UTY: variants seen among roughly 807,000 people sequenced by gnomAD.
UTY encodes the protein ubiquitously transcribed tetratricopeptide repeat containing, Y-linked, also known as histone demethylase UTY.
UTY carries 12 observed loss-of-function variants against 32.5 expected under a neutral mutation model. The observed-to-expected ratio is 0.37, with a 90% CI of 0.24 to 0.60. The LOEUF (loss-of-function observed/expected upper bound fraction) is 0.60, where lower values mean the gene tolerates loss of function less well. UTY is among the 20% of genes least tolerant of loss of function. The pLI, the probability that UTY is intolerant of heterozygous loss-of-function variation, is 0.69. For synonymous variants in UTY, 131 were observed against 103.4 expected (o/e 1.27, Z -1.62); for missense variants, 303 against 299.2 (o/e 1.01, Z -0.09).
chrY:13,285,106 T>C, intron 27 of UTY, among the ~76,000 whole-genome samples: 1 of 34,279 alleles, frequency 2.9e-5, no homozygotes. Flanking sequence ...GGAGGAGACT[T>C]AGCATTCCTT....
At chrY:13,401,749 G>T (rs887102960) in intron 6 of UTY, among the ~76,000 whole-genome samples, 1 of 32,458 alleles carries the variant, frequency 3.1e-5, no homozygotes, top group Admixed American at 2.8e-4. Context: ...AGTGGCAGGC[G>T]CCTGTAGTCC....
At chrY:13,393,614 C>CTA (rs2067815442) in intron 8 of UTY, 3 of 56,568 alleles carry the variant, frequency 5.3e-5, no homozygotes, top group Non-Finnish European at 1.0e-4. Flanking sequence ...ACACAAACTG[C>CTA]TATATATATA....
chrY:13,297,427 T>C (rs2058093684), intron 27 of UTY: 2 of 87,719 alleles, frequency 2.3e-5, no homozygotes, highest in South Asian at 1.4e-4. Context: ...TACGAGAAAA[T>C]AGAGAGTTGT....
At chrY:13,380,061 GTATATATATA>G (rs1204552573) in intron 8 of UTY, among the ~76,000 whole-genome samples, 4 of 3,634 alleles carry the variant, frequency 1.1e-3, no homozygotes, top group African/African-American at 9.7e-3. Context: ...GTGTGTGTGT[GTATATATATA>G]TATATATATA....
At position 13,364,136 on chromosome Y, in the gene UTY, CA is replaced by C. The variant is rs2063816464; in HGVS notation, c.866+2130del. 1.3e-4 allele frequency among the ~76,000 whole-genome samples: 3 copies of C among 22,908 alleles called. No homozygotes were observed. The East Asian group carries it at 3.4e-3, about 26-fold the overall frequency. The allele number at this position is 22,908 out of a possible 37,273, so 61.5% of individuals were successfully genotyped here. A position where few individuals can be genotyped will look rare whatever the true frequency, so the allele number is the denominator to read the frequency against. ...CTTTAATATAAATATGCTTTCCTTT[CA>C]AAAAAAAAAACATTGTACACAAAGT... On this transcript the variant is annotated intron_variant, in intron 10 of 29. Coordinates refer to ENST00000545955, the MANE Select transcript of UTY (RefSeq NM_001258249.2).
downstream of UTY, chrY:13,248,319 A>G: frequency 2.9e-5 from 1 of 33,960 alleles, no homozygotes; most frequent in Non-Finnish European, 7.3e-5. Flanking sequence ...ATTCTTCACT[A>G]AAGTTCTCTG....
chrY:13,340,022 C>G (rs2061384631), intron 17 of UTY, among the ~76,000 whole-genome samples: 1 of 33,405 alleles, frequency 3.0e-5, no homozygotes, highest in African/African-American at 1.2e-4. Flanking sequence ...TCCACAGAAA[C>G]AGAGAACCCT....
chrY:13,409,547 C>T, intron 6 of UTY, among the ~76,000 whole-genome samples: 1 of 33,836 alleles, frequency 3.0e-5, no homozygotes, highest in Non-Finnish European at 7.4e-5. Context: ...AGCAAGTCTG[C>T]GTTGGCCAGA....
intron 8 of UTY, among the ~76,000 whole-genome samples, chrY:13,388,230 A>C (rs17307007): frequency 0.07 from 2,414 of 34,267 alleles, no homozygotes; most frequent in Non-Finnish European, 0.11. Flanking sequence ...CAAAATGAAC[A>C]AAAAATATCC....
intron 17 of UTY, among the ~76,000 whole-genome samples, chrY:13,336,607 A>G: frequency 3.0e-5 from 1 of 33,449 alleles, no homozygotes; most frequent in Admixed American, 2.8e-4. Context: ...TTAAAGTTTA[A>G]ATTGTTTAAT....
chrY:13,310,448 A>C, intron 21 of UTY, among the ~76,000 whole-genome samples: 1 of 33,061 alleles, frequency 3.0e-5, no homozygotes, highest in African/African-American at 1.2e-4. Flanking sequence ...AACATATTAA[A>C]ATCAGTCAAT....
chrY:13,452,339 G>C (rs2076391011), intron 3 of UTY, among the ~76,000 whole-genome samples: 1 of 32,912 alleles, frequency 3.0e-5, no homozygotes, highest in Non-Finnish European at 7.4e-5. Context: ...CACTACTGCT[G>C]GGCAACAGAG....
At chrY:13,448,687 G>A in intron 4 of UTY, among the ~76,000 whole-genome samples, 2 of 33,323 alleles carry the variant, frequency 6.0e-5, no homozygotes, top group Non-Finnish European at 1.5e-4. Flanking sequence ...CGTCCATAAT[G>A]TTTTACCAAA....
intron 27 of UTY, among the ~76,000 whole-genome samples, chrY:13,294,023 A>C: frequency 3.0e-5 from 1 of 33,486 alleles, no homozygotes; most frequent in Non-Finnish European, 7.4e-5. Flanking sequence ...GTAATCCACA[A>C]ATTCAATGTA....
chrY:13,355,080 T>G lies in UTY; in HGVS notation c.1984A>C (p.Thr662Pro). Reference sequence around the variant, plus strand: ...AGGTCTGTATGATTATGAGGTAGAGTGTGTGTATTTTGCTGCAGGTAAGGC... The same window carrying G: ...AGGTCTGTATGATTATGAGGTAGAGGGTGTGTATTTTGCTGCAGGTAAGGC... The part of the protein sequence containing the change: ...NVPYLQQNTH[T>P]LPHNHTDLNS... The change falls in exon 17 of 30, where the codon ACT (threonine) becomes CCT (proline). Residue 662 changes from threonine (T) to proline (P), a missense_variant. Physicochemically the swap from Thr to Pro is conservative, Grantham distance 38. Coordinates refer to ENST00000545955, the MANE Select transcript of UTY (RefSeq NM_001258249.2). 3 of 398,403 alleles carry G rather than the reference T, an allele frequency of 7.5e-6. No homozygotes were observed. Among genetic ancestry groups the G allele is most frequent in the Non-Finnish European group, 1.1e-5 (3 of 283,408 alleles).
At chrY:13,255,293 GT>G (rs2054625198) in intron 28 of UTY, among the ~76,000 whole-genome samples, 2 of 33,281 alleles carry the variant, frequency 6.0e-5, no homozygotes, top group Non-Finnish European at 1.5e-4. Context: ...CATAAAATGG[GT>G]TATGTCCCTG....
chrY:13,329,099 T>C (rs2060477964), intron 18 of UTY, among the ~76,000 whole-genome samples: 2 of 33,570 alleles, frequency 6.0e-5, no homozygotes, highest in Non-Finnish European at 7.4e-5. Flanking sequence ...CGATGGTTTC[T>C]AATAAAATAA....
At chrY:13,368,061 T>C in intron 9 of UTY, among the ~76,000 whole-genome samples, 1 of 28,287 alleles carries the variant, frequency 3.5e-5, no homozygotes, top group Admixed American at 3.2e-4. Context: ...GTAAGCACTA[T>C]CTTTTTTTTT....
chrY:13,385,437 T>C, intron 8 of UTY, among the ~76,000 whole-genome samples: 3 of 33,452 alleles, frequency 9.0e-5, no homozygotes, highest in Non-Finnish European at 1.5e-4. Flanking sequence ...CCTTAGAATA[T>C]TGTACAATTT....
Sources: gnomAD v4.1 joint callset for allele counts (sites outside exome capture counted in the v4.1 genomes callset) on GRCh38, gnomAD v4.1.1 for gene constraint, MANE v1.5 for transcripts, NCBI Gene and HGNC (gene_info 2026-07-23, HGNC 2026-07-21) for gene names.